The following SLC11A1 variants were observed in gnomAD, a reference collection of about 807,000 sequenced individuals.
SLC11A1 encodes solute carrier family 11 member 1, also known as natural resistance-associated macrophage protein 1.
A neutral mutation model predicts 63.2 loss-of-function variants in SLC11A1; 59 were observed. The observed-to-expected ratio is 0.93, with a 90% CI of 0.76 to 1.16. The LOEUF (loss-of-function observed/expected upper bound fraction) is 1.16. Among genes scored for constraint, SLC11A1 ranks in the 50% most tolerant of loss-of-function variants. The pLI is 0.00. For synonymous variants in SLC11A1, 305 were observed against 307.8 expected (o/e 0.99, Z 0.09); for missense variants, 688 against 730.7 (o/e 0.94, Z 0.67).
intron 4 of SLC11A1, among the ~76,000 whole-genome samples, 183 bp from the exon 5 acceptor site, chr2:218,386,452 C>T (rs1461934658): frequency 1.6e-5 from 2 of 127,758 alleles, no homozygotes; most frequent in Admixed American, 8.1e-5. Context: ...AACTCTATTT[C>T]GAAAAAAAAA....
chr2:218,391,696 C>A (rs944956766), intron 11 of SLC11A1: 6 of 590,994 alleles, frequency 1.0e-5, no homozygotes, highest in Non-Finnish European at 1.7e-5. Flanking sequence ...GCGATCTCGG[C>A]TCACTGCAAC....
rs1323972138 is a variant in SLC11A1 at position 218,396,422 on chromosome 2, C to A, written c.*1387C>A. The A allele has an allele frequency of 6.6e-6, 1 of 152,448 alleles. No homozygotes were observed. Among genetic ancestry groups the A allele is most frequent in the Non-Finnish European group, 1.5e-5 (1 of 68,094 alleles). 9.4% of individuals were successfully genotyped at this position (152,448 alleles called of 1,614,324 possible). A position where few individuals can be genotyped will look rare whatever the true frequency, so the allele number is the denominator to read the frequency against. ...AGCGAGGAGAGGCCAACAGGCCTTT[C>A]CCTAGAGTTGAACCTGGGCCGGGTG... On this transcript the variant is annotated 3_prime_UTR_variant, in exon 15 of 15. Coordinates refer to ENST00000233202, the MANE Select transcript of SLC11A1 (RefSeq NM_000578.4).
At chr2:218,386,041 C>G (rs1005144007) in intron 4 of SLC11A1, among the ~76,000 whole-genome samples, 1 of 152,216 alleles carries the variant, frequency 6.6e-6, no homozygotes, top group African/African-American at 2.4e-5. Context: ...GCCCCAGAGC[C>G]ATCCTTTGCT....
rs1696683846 is a variant in SLC11A1 at position 218,395,033 on chromosome 2, T to C, written c.1651T>C (p.Ter551GlnextTer14). The C allele has an allele frequency of 1.3e-6, 2 of 1,595,474 alleles. No individual in the cohort carries two copies. The highest frequency in any genetic ancestry group is 1.7e-6 in the Non-Finnish European group (2 of 1,169,104). ...GGACCAGAAAGGGGAGACCTCTGGC[T>C]AGGCCCACACCAGGGCCTGGCTGGG... ...EEDQKGETSG* is the reference protein window; with the variant it reads ...EEDQKGETSGQ The change falls in exon 15 of 15, where the codon TAG becomes CAG. Residue 551 changes from the stop codon to glutamine, a stop_lost. Coordinates refer to ENST00000233202, the MANE Select transcript of SLC11A1 (RefSeq NM_000578.4).
chr2:218,393,137 T>C lies in SLC11A1; in HGVS notation c.1314+7T>C. 1 of 1,557,898 alleles carries C rather than the reference T, an allele frequency of 6.4e-7. No individual in the cohort carries two copies. On this transcript the variant is annotated splice_region_variant and intron_variant, in intron 12 of 14. Coordinates refer to ENST00000233202, the MANE Select transcript of SLC11A1 (RefSeq NM_000578.4). Reference sequence around the variant, plus strand: ...CGTGCTGCAGAGCCTGCTGGTGAGATGCGCCAACCCCACCAGCCCTGCCCA... The same window carrying C: ...CGTGCTGCAGAGCCTGCTGGTGAGACGCGCCAACCCCACCAGCCCTGCCCA...
At chr2:218,387,535 TTTG>T in intron 6 of SLC11A1, 27 bp from the exon 7 acceptor site, 2 of 1,609,360 alleles carry the variant, frequency 1.2e-6, no homozygotes, top group East Asian at 4.5e-5. Flanking sequence ...TTTTCGTTGG[TTTG>T]TTTAGTTTGT....
rs2106329354 is a variant in SLC11A1 at position 218,385,224 on chromosome 2, A to C, written c.351A>C (p.Thr117=). The change falls in exon 4 of 15, where the codon ACA becomes ACC. Residue 117 remains threonine (T), a synonymous_variant. Transcript: ENST00000233202. The part of the protein sequence containing the change: ...QRLAARLGVV[T]GKDLGEVCHL... The stretch of plus-strand genomic sequence containing the variant: ...TGGCTGCACGTCTGGGCGTGGTGAC[A>C]GGCAAGGACTTGGGCGAGGTCTGCC... 6.2e-7 allele frequency: 1 copy of C among 1,614,022 alleles called. No individual in the cohort carries two copies. The highest frequency in any genetic ancestry group is 1.3e-5 in the African/African-American group (1 of 75,064).
chr2:218,386,469 G>T (rs1696110930), intron 4 of SLC11A1, among the ~76,000 whole-genome samples, 166 bp from the exon 5 acceptor site: 1 of 140,246 alleles, frequency 7.1e-6, no homozygotes, highest in African/African-American at 2.7e-5. Context: ...AAAAAAAAAA[G>T]TTTATCTCTG....
Position 218,395,314 on chromosome 2 carries a change from C to A in SLC11A1, c.*279C>A. On this transcript the variant is annotated 3_prime_UTR_variant, in exon 15 of 15. Coordinates refer to ENST00000233202, the MANE Select transcript of SLC11A1 (RefSeq NM_000578.4). ...GGGACAAAAACAAACAAACGAAAAA[C>A]ATTTCAAAAGGTATTTATTGAGCAC... 2.8e-6 allele frequency: 1 copy of A among 363,560 alleles called. No individual in the cohort carries two copies. 22.5% of individuals were successfully genotyped at this position (363,560 alleles called of 1,614,324 possible). A position where few individuals can be genotyped will look rare whatever the true frequency, so the allele number is the denominator to read the frequency against.
At chr2:218,389,104 AAATAATAAT>A (rs138562502) in intron 8 of SLC11A1, among the ~76,000 whole-genome samples, 1 of 147,702 alleles carries the variant, frequency 6.8e-6, no homozygotes, top group African/African-American at 2.5e-5. Flanking sequence ...GACCCTGTCA[AAATAATAAT>A]AATAATAATA....
At chr2:218,394,024 C>CCTTGCTCACA (rs1696604570) in intron 12 of SLC11A1, 96 bp from the exon 13 acceptor site, 1 of 1,248,078 alleles carries the variant, frequency 8.0e-7, no homozygotes, top group Non-Finnish European at 1.1e-6. Context: ...GAGCTCACAC[C>CCTTGCTCACA]CACACAGAGG....
rs1302462468 is a variant in SLC11A1, at chr2:218,387,187, C to T, written c.528C>T (p.Ile176=). Residue 176 remains isoleucine, a synonymous_variant, in exon 6 of 15, where the codon ATC becomes ATT. Coordinates refer to ENST00000233202, the MANE Select transcript of SLC11A1 (RefSeq NM_000578.4). ...TCCCACTCTGGGGTGGCGTCCTCAT[C>T]ACCATCGTGGACACCTTCTTCTTCC... ...GRIPLWGGVL[I]TIVDTFFFLF... The T allele has an allele frequency of 6.2e-7, 1 of 1,614,076 alleles. No individual in the cohort carries two copies. Among genetic ancestry groups the T allele is most frequent in the Non-Finnish European group, 8.5e-7 (1 of 1,180,016 alleles).
intron 8 of SLC11A1, among the ~76,000 whole-genome samples, chr2:218,389,224 C>T (rs1024164974): frequency 4.0e-5 from 6 of 151,884 alleles, no homozygotes; most frequent in Admixed American, 1.3e-4. Context: ...ATATTACAAG[C>T]GGAGGGAAAG....
At position 218,385,220 on chromosome 2, in the gene SLC11A1, T is replaced by C. The variant is rs377392313; in HGVS notation, c.347T>C (p.Val116Ala). 6.2e-7 allele frequency: 1 copy of C among 1,614,082 alleles called. No homozygotes were observed. ...CGACTGGCTGCACGTCTGGGCGTGGTGACAGGCAAGGACTTGGGCGAGGTC... is the reference window on the plus strand; with the variant it reads ...CGACTGGCTGCACGTCTGGGCGTGGCGACAGGCAAGGACTTGGGCGAGGTC... ...CQRLAARLGV[V>A]TGKDLGEVCH... Residue 116 changes from valine (V) to alanine (A), a missense_variant, in exon 4 of 15, where the codon GTG becomes GCG. Physicochemically the swap from Val to Ala is moderately conservative, Grantham distance 64. Coordinates refer to ENST00000233202, the MANE Select transcript of SLC11A1 (RefSeq NM_000578.4).
rs1033992438 is a variant in SLC11A1 at position 218,393,975 on chromosome 2, A to G, written c.1315-145A>G. 1.3e-5 allele frequency: 9 copies of G among 669,896 alleles called. No homozygotes were observed. In the African/African-American group the frequency reaches 1.4e-4, roughly 11 times the overall value. 41.5% of individuals were successfully genotyped at this position (669,896 alleles called of 1,614,324 possible). The stretch of plus-strand genomic sequence containing the variant: ...TTTGGAGCCCACAACCTGATAAGGC[A>G]GGAGACGGGGAAGTAGGCTCAGTGT... On this transcript the variant is annotated intron_variant, in intron 12 of 14. Transcript: ENST00000233202.
chr2:218,394,263 G>A (rs1696626588), intron 13 of SLC11A1, 70 bp downstream of exon 13: 18 of 1,466,292 alleles, frequency 1.2e-5, no homozygotes, highest in African/African-American at 5.6e-5. Context: ...CCAGAGGTAC[G>A]AGCTACAATT....
At chr2:218,393,270 A>AGGGTGGCTGTG in intron 12 of SLC11A1, 140 bp downstream of exon 12, 1 of 855,000 alleles carries the variant, frequency 1.2e-6, no homozygotes, top group Non-Finnish European at 1.6e-6. Context: ...TTGTCCCCAC[A>AGGGTGGCTGTG]GCCACCCTGG....
intron 1 of SLC11A1, 27 bp downstream of exon 1, chr2:218,382,402 C>G (rs758656216): frequency 1.9e-6 from 3 of 1,612,642 alleles, no homozygotes; most frequent in Admixed American, 3.3e-5. Flanking sequence ...AGGGACAGAG[C>G]CTGATTGGGG....
Position 218,394,125 on chromosome 2 carries a change from G to C in SLC11A1, c.1320G>C (p.Pro440=), listed in dbSNP as rs148407591. Residue 440 remains proline, a synonymous_variant, in exon 13 of 15, where the codon CCG becomes CCC. Coordinates refer to ENST00000233202, the MANE Select transcript of SLC11A1 (RefSeq NM_000578.4). ...GCTCCTGCTGCTCTCCCCAGCTCCC[G>C]TTCGCCGTGCTGCCCATCCTCACGT... is the stretch of plus-strand genomic sequence containing the variant. ...LLNVLQSLLL[P]FAVLPILTFT... 39 of 1,613,924 alleles carry C rather than the reference G, an allele frequency of 2.4e-5. No individual in the cohort carries two copies. The African/African-American group carries it at 4.8e-4, about 20-fold the overall frequency.
Sources: allele counts gnomAD v4.1 joint callset (sites outside exome capture counted in the v4.1 genomes callset), GRCh38; gene constraint gnomAD v4.1.1; transcripts MANE v1.5; gene names NCBI Gene and HGNC (gene_info 2026-07-23, HGNC 2026-07-21).